PTK2: variants seen among roughly 807,000 people sequenced by gnomAD.
The protein encoded by PTK2 is focal adhesion kinase 1.
Under a neutral mutation model 150.1 loss-of-function variants are expected in PTK2, and 45 were observed. The observed-to-expected ratio is 0.30, with a 90% confidence interval of 0.24 to 0.38. The LOEUF (loss-of-function observed/expected upper bound fraction) is 0.38. Among genes scored for constraint, PTK2 ranks in the 10% least tolerant of loss-of-function variants. The probability of loss-of-function intolerance (pLI) is 1.00; values close to 1 mark genes in which losing one functional copy is unlikely to be tolerated. For synonymous variants in PTK2, 432 were observed against 449.2 expected (o/e 0.96, Z 0.48); for missense variants, 919 against 1,307.3 (o/e 0.70, Z 4.58).
intron 1 of PTK2, among the ~76,000 whole-genome samples, chr8:140,925,974 T>C (rs1202369355): frequency 2.0e-5 from 3 of 152,252 alleles, no homozygotes; most frequent in Non-Finnish European, 4.4e-5. Flanking sequence ...TTAAAAATGA[T>C]GACTCATCTA....
chr8:140,744,895 G>T, intron 18 of PTK2, 128 bp from the exon 22 acceptor site: 1 of 491,940 alleles, frequency 2.0e-6, no homozygotes, highest in Non-Finnish European at 3.6e-6. Flanking sequence ...ATATTAGAAT[G>T]GCTTCAAGTC....
intron 1 of PTK2, among the ~76,000 whole-genome samples, chr8:140,967,661 T>C (rs1204634055): frequency 6.6e-6 from 1 of 152,070 alleles, no homozygotes; most frequent in Non-Finnish European, 1.5e-5. Flanking sequence ...GGTTTCACCA[T>C]GTTGGCCAGG....
intron 26 of PTK2, among the ~76,000 whole-genome samples, chr8:140,698,401 A>C (rs1422676935): frequency 6.6e-6 from 1 of 152,256 alleles, no homozygotes; most frequent in Non-Finnish European, 1.5e-5. Flanking sequence ...TGTTCTTAGA[A>C]TAGATATAAT....
At chr8:140,844,293 CTTATTATACTCT>C (rs2154604107) in intron 7 of PTK2, among the ~76,000 whole-genome samples, 1 of 152,218 alleles carries the variant, frequency 6.6e-6, no homozygotes, top group African/African-American at 2.4e-5. Flanking sequence ...ACTTCCTTTC[CTTATTATACTCT>C]TTAGAAACAA....
chr8:140,948,489 G>A (rs543821492), intron 1 of PTK2, among the ~76,000 whole-genome samples: 1 of 152,228 alleles, frequency 6.6e-6, no homozygotes, highest in South Asian at 2.1e-4. Flanking sequence ...AAAGATATTG[G>A]TAAAATTACA....
intron 1 of PTK2, among the ~76,000 whole-genome samples, chr8:140,962,305 GA>G (rs1430729261): frequency 1.4e-5 from 2 of 138,134 alleles, no homozygotes; most frequent in African/African-American, 2.6e-5. Flanking sequence ...GGGAGGGAGG[GA>G]AAAAAATTAT....
chr8:140,875,393 T>A (rs2154606932), intron 4 of PTK2, among the ~76,000 whole-genome samples: 1 of 152,244 alleles, frequency 6.6e-6, no homozygotes, highest in South Asian at 2.1e-4. Context: ...ACTTGAGTAT[T>A]TATGGAAAGA....
intron 10 of PTK2, among the ~76,000 whole-genome samples, chr8:140,813,882 TA>T (rs1440376581): frequency 1.3e-5 from 2 of 150,756 alleles, no homozygotes; most frequent in African/African-American, 4.9e-5. Flanking sequence ...GTTGTTTTTT[TA>T]AAAAAAAATT....
At chr8:140,659,773 T>A in intron 31 of PTK2, 95 bp from the exon 36 acceptor site, 1 of 1,141,138 alleles carries the variant, frequency 8.8e-7, no homozygotes, top group Non-Finnish European at 1.2e-6. Flanking sequence ...CAAGCTTGCC[T>A]CAAACTCCTG....
intron 1 of PTK2, among the ~76,000 whole-genome samples, chr8:140,945,280 G>A (rs147742231): frequency 2.9e-4 from 44 of 152,274 alleles, no homozygotes; most frequent in African/African-American, 9.9e-4. Flanking sequence ...TCAGGTTTTA[G>A]GACATTAATA....
chr8:140,671,185 T>C (rs1156991171), intron 29 of PTK2, among the ~76,000 whole-genome samples: 1 of 152,224 alleles, frequency 6.6e-6, no homozygotes, highest in Admixed American at 6.5e-5. Context: ...GGCTGTTATT[T>C]GGATGAATTA....
At chr8:140,965,235 A>C (rs1052497176) in intron 1 of PTK2, among the ~76,000 whole-genome samples, 3 of 152,168 alleles carry the variant, frequency 2.0e-5, no homozygotes, top group Non-Finnish European at 4.4e-5. Flanking sequence ...CTCTGGCAAA[A>C]CTAAACTATT....
At chr8:140,706,242 T>A in intron 23 of PTK2, 37 bp from the exon 27 acceptor site, 4 of 1,499,362 alleles carry the variant, frequency 2.7e-6, no homozygotes, top group Non-Finnish European at 3.7e-6. Flanking sequence ...AATGAACCTT[T>A]TGATTTTGAC....
At chr8:140,735,265 A>C (rs962817738) in exon 22 of PTK2, 1 of 1,613,846 alleles carries the variant, frequency 6.2e-7, no homozygotes, top group Non-Finnish European at 8.5e-7. Context: ...GCTGAGCTTT[A>C]AGTTCAGTAA....
chr8:140,712,090 T>C lies in PTK2; in HGVS notation c.2142+5508A>G, dbSNP rs1219784648. ...TAAAAATTACTGAGGACTCTAAGAGTTTTTGTTTATTTGGAATGTAACTAC... is the reference window on the plus strand; with the variant it reads ...TAAAAATTACTGAGGACTCTAAGAGCTTTTGTTTATTTGGAATGTAACTAC... On this transcript the variant is annotated intron_variant, in intron 23 of 31. Coordinates refer to ENST00000522684, the Ensembl canonical transcript of PTK2. 2.0e-5 allele frequency among the ~76,000 whole-genome samples: 3 copies of C among 152,134 alleles called. No individual in the cohort carries two copies. The South Asian group carries it at 6.2e-4, about 32-fold the overall frequency.
chr8:140,812,450 G>A (rs1409197154), intron 10 of PTK2, among the ~76,000 whole-genome samples: 1 of 152,042 alleles, frequency 6.6e-6, no homozygotes, highest in Non-Finnish European at 1.5e-5. Flanking sequence ...CAAAAACACA[G>A]ACCAGTGACA....
intron 7 of PTK2, among the ~76,000 whole-genome samples, chr8:140,835,295 C>A (rs1054602142): frequency 6.6e-6 from 1 of 152,170 alleles, no homozygotes; most frequent in Non-Finnish European, 1.5e-5. Flanking sequence ...TCTCTTCTGG[C>A]AATATTTCTG....
intron 22 of PTK2, among the ~76,000 whole-genome samples, chr8:140,732,109 C>A (rs1183317703): frequency 6.6e-6 from 1 of 151,978 alleles, no homozygotes; most frequent in Non-Finnish European, 1.5e-5. Flanking sequence ...TTGTTAAAAT[C>A]TTGGAAATAA....
intron 1 of PTK2, among the ~76,000 whole-genome samples, chr8:140,926,308 G>A (rs1425907503): frequency 6.6e-6 from 1 of 152,166 alleles, no homozygotes; most frequent in Admixed American, 6.6e-5. Context: ...AACTGGTCAG[G>A]TGCAGAGCTG....
Sources: gnomAD v4.1 joint callset for allele counts (sites outside exome capture counted in the v4.1 genomes callset) on GRCh38, gnomAD v4.1.1 for gene constraint, MANE v1.5 for transcripts, NCBI Gene and HGNC (gene_info 2026-07-23, HGNC 2026-07-21) for gene names.